TACR1: variants seen among roughly 807,000 people sequenced by gnomAD.
TACR1 encodes tachykinin receptor 1, also known as substance-P receptor.
TACR1 carries 25 observed loss-of-function variants against 35.8 expected under a neutral mutation model. The observed-to-expected ratio is 0.70, with a 90% confidence interval of 0.51 to 0.98. The LOEUF (loss-of-function observed/expected upper bound fraction) is 0.98, where lower values mean the gene tolerates loss of function less well. Ranked by LOEUF, TACR1 falls within the 50% of genes least tolerant of loss-of-function variation. TACR1 has a pLI of 0.00. For missense variants in TACR1, 478 were observed against 522.9 expected (o/e 0.91, Z 0.84); for synonymous variants, 195 against 206.7 (o/e 0.94, Z 0.48).
chr2:75,098,926 C>A (rs201350651), intron 2 of TACR1, among the ~76,000 whole-genome samples: 40 of 115,730 alleles, frequency 3.5e-4, no homozygotes, highest in African/African-American at 1.2e-3. Context: ...TTTTTTTTTT[C>A]TTTTCTTGCT....
chr2:75,184,963 CAGT>C (rs898122460), intron 1 of TACR1, among the ~76,000 whole-genome samples: 2 of 151,652 alleles, frequency 1.3e-5, no homozygotes, highest in African/African-American at 4.8e-5. Flanking sequence ...ATTGTATTTC[CAGT>C]AAAAATTTCA....
intron 2 of TACR1, among the ~76,000 whole-genome samples, chr2:75,087,056 T>C (rs1399635454): frequency 6.6e-6 from 1 of 152,166 alleles, no homozygotes; most frequent in East Asian, 1.9e-4. Flanking sequence ...ACACATTGAA[T>C]TTTGAAGACA....
intron 1 of TACR1, among the ~76,000 whole-genome samples, chr2:75,126,582 A>G (rs1674076318): frequency 6.6e-6 from 1 of 152,208 alleles, no homozygotes; most frequent in African/African-American, 2.4e-5. Flanking sequence ...AAAGGAAGGG[A>G]CAAAGATTTC....
chr2:75,063,221 C>A (rs892759937), intron 2 of TACR1, among the ~76,000 whole-genome samples: 1 of 152,198 alleles, frequency 6.6e-6, no homozygotes, highest in Non-Finnish European at 1.5e-5. Flanking sequence ...CACAGCCAAA[C>A]CATATCAATA....
intron 2 of TACR1, among the ~76,000 whole-genome samples, chr2:75,056,111 G>C (rs556000264): frequency 1.3e-5 from 2 of 152,284 alleles, no homozygotes; most frequent in South Asian, 2.1e-4. Context: ...TCAGACCTTA[G>C]GTATGCAAGT....
intron 1 of TACR1, among the ~76,000 whole-genome samples, chr2:75,169,712 A>C (rs557585163): frequency 1.6e-4 from 24 of 152,304 alleles, no homozygotes; most frequent in Non-Finnish European, 2.8e-4. Flanking sequence ...TGATTCTGGA[A>C]AGTAGATTCT....
intron 1 of TACR1, among the ~76,000 whole-genome samples, chr2:75,163,839 A>G (rs1675071911): frequency 6.6e-6 from 1 of 152,240 alleles, no homozygotes; most frequent in Non-Finnish European, 1.5e-5. Context: ...ATTTGATTCA[A>G]TGAAATTTAA....
intron 2 of TACR1, among the ~76,000 whole-genome samples, chr2:75,118,144 A>G (rs2103901830): frequency 6.6e-6 from 1 of 152,350 alleles, no homozygotes; most frequent in East Asian, 1.9e-4. Context: ...AGTGGCAATC[A>G]TTTCTTCTAA....
chr2:75,188,113 G>T (rs1189136131), intron 1 of TACR1: 5 of 151,824 alleles, frequency 3.3e-5, no homozygotes, highest in African/African-American at 1.2e-4. Flanking sequence ...CAAGCTCAGG[G>T]CTGCATTCAT....
In TACR1 at chr2:75,074,840, C is replaced by T. The variant is rs575062413; in HGVS notation, c.585-21085G>A. Among the ~76,000 whole-genome samples, 5 of 152,274 alleles carry T rather than the reference C, an allele frequency of 3.3e-5. No individual in the cohort carries two copies. In the South Asian group the frequency reaches 1.0e-3, roughly 32 times the overall value. On this transcript the variant is annotated intron_variant, in intron 2 of 4. Transcript: ENST00000305249. ...TTTTAGTACTAACAGGGTCAGGGAA[C>T]ATCTATGTGTGTAGCGTGGGTTGGT...
At chr2:75,091,160 C>T (rs1673303516) in intron 2 of TACR1, among the ~76,000 whole-genome samples, 1 of 144,956 alleles carries the variant, frequency 6.9e-6, no homozygotes, top group Non-Finnish European at 1.5e-5. Context: ...CTTCACAGAA[C>T]TCCTTCCTGC....
At chr2:75,123,817 G>A (rs1360678759) in intron 1 of TACR1, among the ~76,000 whole-genome samples, 1 of 151,764 alleles carries the variant, frequency 6.6e-6, no homozygotes, top group African/African-American at 2.4e-5. Flanking sequence ...TGGATAACCT[G>A]TACACAGATG....
intron 2 of TACR1, among the ~76,000 whole-genome samples, chr2:75,108,524 G>T (rs1367538526): frequency 3.9e-5 from 6 of 152,110 alleles, no homozygotes; most frequent in Admixed American, 1.3e-4. Context: ...GAACTTAATT[G>T]TGAAACCAAT....
intron 2 of TACR1, among the ~76,000 whole-genome samples, chr2:75,062,043 A>G (rs998125764): frequency 2.0e-4 from 31 of 152,212 alleles, no homozygotes; most frequent in Admixed American, 1.5e-3. Context: ...GAAATACTTC[A>G]TAGAAAAATA....
intron 2 of TACR1, among the ~76,000 whole-genome samples, chr2:75,090,194 T>C (rs955067149): frequency 2.6e-5 from 4 of 152,244 alleles, no homozygotes; most frequent in African/African-American, 4.8e-5. Context: ...GCTTTTTCTT[T>C]TCTTTCCATA....
At chr2:75,163,232 G>A (rs1675054246) in intron 1 of TACR1, among the ~76,000 whole-genome samples, 2 of 152,336 alleles carry the variant, frequency 1.3e-5, no homozygotes, top group South Asian at 4.1e-4. Context: ...AAGCACCAAA[G>A]TGCTGTGCTA....
At chr2:75,159,190 T>C (rs3821316) in intron 1 of TACR1, among the ~76,000 whole-genome samples, 83,677 of 151,760 alleles carry the variant, frequency 0.55, 23,154 homozygotes, top group African/African-American at 0.56. Context: ...GTTCAGAAAG[T>C]ATATCCTGAA....
chr2:75,054,289 C>T (rs1315886758), intron 2 of TACR1, among the ~76,000 whole-genome samples: 1 of 152,110 alleles, frequency 6.6e-6, no homozygotes, highest in East Asian at 1.9e-4. Flanking sequence ...TTGATAAGGC[C>T]CAGTTTATGC....
intron 2 of TACR1, among the ~76,000 whole-genome samples, chr2:75,083,695 A>C (rs1673136312): frequency 6.6e-6 from 1 of 152,132 alleles, no homozygotes; most frequent in African/African-American, 2.4e-5. Context: ...GCAATTGTGA[A>C]TGGGAATTCA....
Sources: allele counts gnomAD v4.1 joint callset (sites outside exome capture counted in the v4.1 genomes callset), GRCh38; gene constraint gnomAD v4.1.1; transcripts MANE v1.5; gene names NCBI Gene and HGNC (gene_info 2026-07-23, HGNC 2026-07-21).